Variants in SYMPK observed in about 807,000 individuals in gnomAD.
SYMPK encodes symplekin scaffold protein.
In SYMPK, 49 loss-of-function variants were observed where a neutral mutation model predicts 136.4. The ratio of observed to expected loss-of-function variants is 0.36; its 90% confidence interval spans 0.29 to 0.46. The LOEUF (loss-of-function observed/expected upper bound fraction) is 0.46. SYMPK is among the 20% of genes least tolerant of loss of function. The pLI, the probability that SYMPK is intolerant of heterozygous loss-of-function variation, is 1.00. For synonymous variants in SYMPK, 766 were observed against 713.0 expected, an observed-to-expected ratio of 1.07 and a Z score of -1.19; for missense variants, 1,365 against 1,690.0, an observed-to-expected ratio of 0.81 and a Z score of 3.37.
chr19:45,839,785 T>C (rs575709904), intron 9 of SYMPK, among the ~76,000 whole-genome samples: 7 of 151,242 alleles, frequency 4.6e-5, no homozygotes, highest in South Asian at 2.1e-4. Context: ...TGAGCCAAGA[T>C]TGCACCACTG....
Position 45,827,590 on chromosome 19 carries a change from C to T in SYMPK, c.2101G>A (p.Asp701Asn). 6.2e-7 allele frequency: 1 copy of T among 1,614,122 alleles called. No homozygotes were observed. Among genetic ancestry groups the T allele is most frequent in the South Asian group, 1.1e-5 (1 of 91,082 alleles). Residue 701 changes from aspartate (D) to asparagine (N), a missense_variant, in exon 16 of 27, where the codon GAC becomes AAC. Asp to Asn is a conservative substitution (Grantham distance 23, BLOSUM62 1). Transcript: ENST00000245934. ...CGGGACGGGCGCTTGAAGATCAGGT[C>T]TCGAAGTGTGGACATGCCCAGATAG... ...RTYLGMSTLR[D>N]LIFKRPSRQF...
At chr19:45,851,577 CAA>C (rs202014672) in intron 5 of SYMPK, among the ~76,000 whole-genome samples, 20,615 of 105,746 alleles carry the variant, frequency 0.19, 1,512 homozygotes, top group Admixed American at 0.25. Flanking sequence ...AACTCAGTCT[CAA>C]AAAAAAAAAA....
intron 7 of SYMPK, 29 bp from the exon 8 acceptor site, chr19:45,844,229 T>C: frequency 1.3e-6 from 2 of 1,522,040 alleles, no homozygotes; most frequent in Non-Finnish European, 1.8e-6. Context: ...AACCAGTCAG[T>C]GGGATCCGTT....
At chr19:45,847,520 C>G (rs886360327) in intron 7 of SYMPK, among the ~76,000 whole-genome samples, 2 of 152,032 alleles carry the variant, frequency 1.3e-5, no homozygotes, top group Admixed American at 6.6e-5. Context: ...ACTATGTTAT[C>G]GTCTCCAATT....
At chr19:45,848,057 A>G in intron 6 of SYMPK, 56 bp from the exon 7 acceptor site, 2 of 1,527,014 alleles carry the variant, frequency 1.3e-6, no homozygotes, top group Non-Finnish European at 1.8e-6. Context: ...AAGACAACGC[A>G]TCAATCACCA....
chr19:45,825,270 G>C lies in SYMPK; in HGVS notation c.2391C>G (p.Leu797=), dbSNP rs1479489762. 1 of 1,614,090 alleles carries C rather than the reference G, an allele frequency of 6.2e-7. No individual in the cohort carries two copies. The highest frequency in any genetic ancestry group is 8.5e-7 in the Non-Finnish European group (1 of 1,180,044). The change falls in exon 18 of 27, where the codon CTC becomes CTG. Residue 797 remains leucine (L), a synonymous_variant. Coordinates refer to ENST00000245934, the MANE Select transcript of SYMPK (RefSeq NM_004819.3). ...VKQCLYLYLA[L]LPQNHKLIHE... ...GGATCAGCTTGTGGTTCTGAGGCAG[G>C]AGGGCCAGGTAGAGGTACAGACACT...
intron 1 of SYMPK, among the ~76,000 whole-genome samples, chr19:45,857,928 A>T (rs1971873767): frequency 6.6e-6 from 1 of 151,178 alleles, no homozygotes; most frequent in Non-Finnish European, 1.5e-5. Context: ...TCTCCCAAGT[A>T]GCTGGGATTA....
Position 45,847,924 on chromosome 19 carries a change from G to A in SYMPK, c.504C>T (p.Ile168=). 1.2e-6 allele frequency: 2 copies of A among 1,613,224 alleles called. No homozygotes were observed. Among genetic ancestry groups the A allele is most frequent in the Non-Finnish European group, 1.7e-6 (2 of 1,179,436 alleles). Residue 168 remains isoleucine (I), a synonymous_variant, in exon 7 of 27, where the codon ATC becomes ATT. Coordinates refer to ENST00000245934, the MANE Select transcript of SYMPK (RefSeq NM_004819.3). ...WDMVSAMAGD[I]ILLLDSDNDG... is the part of the protein sequence containing the mutation. ...CATTGTCAGAGTCCAATAGCAGGAT[G>A]ATGTCCCCCGCCATGGCAGATACCA...
chr19:45,838,658 C>T (rs759338457), intron 9 of SYMPK, 43 bp from the exon 10 acceptor site: 4 of 1,583,640 alleles, frequency 2.5e-6, no homozygotes, highest in South Asian at 2.2e-5. Context: ...ATAGAGAGAG[C>T]TGCAGGCCCT....
At chr19:45,857,798 CTTTT>C (rs545837447) in intron 1 of SYMPK, among the ~76,000 whole-genome samples, 3 of 131,596 alleles carry the variant, frequency 2.3e-5, no homozygotes, top group East Asian at 4.7e-4. Flanking sequence ...GCCGAAAATA[CTTTT>C]TTTTTTTTTT....
chr19:45,825,204 G>C lies in SYMPK; in HGVS notation c.2457C>G (p.Ile819Met), dbSNP rs778035067. ...AAVYTEAIAD[I>M]KRTVLRVIEQ... is the part of the protein sequence containing the mutation. ...CAATGACCCTCAGCACCGTCCGCTT[G>C]ATGTCGGCGATGGCTTCAGTGTACA... The change falls in exon 18 of 27, where the codon ATC becomes ATG. Residue 819 changes from isoleucine to methionine, a missense_variant. Physicochemically the swap from Ile to Met is conservative, Grantham distance 10 (BLOSUM62 1). Coordinates refer to ENST00000245934, the MANE Select transcript of SYMPK (RefSeq NM_004819.3). 8.7e-6 allele frequency: 14 copies of C among 1,614,098 alleles called. No homozygotes were observed. The East Asian group carries it at 2.0e-4, about 23-fold the overall frequency.
rs147633193 is a variant in SYMPK, at chr19:45,844,874, T to C, written c.677-674A>G. 1.0e-3 allele frequency among the ~76,000 whole-genome samples: 154 copies of C among 152,192 alleles called. 1 individual carries two copies. Among genetic ancestry groups the C allele is most frequent in the African/African-American group, 3.4e-3 (140 of 41,502 alleles). On this transcript the variant is annotated intron_variant, in intron 7 of 26. Coordinates refer to ENST00000245934, the MANE Select transcript of SYMPK (RefSeq NM_004819.3). ...CTATACAGAAACATAACGAATGCCA[T>C]ATATATGTTTTTAACTTAAAAAATT...
In SYMPK at chr19:45,852,499, G is replaced by A. The variant is rs772772145; in HGVS notation, c.208C>T (p.Leu70=). The A allele has an allele frequency of 1.2e-6, 2 of 1,614,092 alleles. No homozygotes were observed. The highest frequency in any genetic ancestry group is 1.7e-6 in the Non-Finnish European group (2 of 1,180,038). Reference sequence around the variant, plus strand: ...TCACTCACATCCAGGAAGTTGTCCAGTAGTGTGGGGTCTTTGTTGATGATC... The same window carrying A: ...TCACTCACATCCAGGAAGTTGTCCAATAGTGTGGGGTCTTTGTTGATGATC... ...ELIINKDPTL[L]DNFLDEIIAF... Residue 70 remains leucine (L), a synonymous_variant, in exon 4 of 27, where the codon CTG becomes TTG. Transcript: ENST00000245934.
intron 1 of SYMPK, among the ~76,000 whole-genome samples, chr19:45,857,537 G>T: frequency 6.6e-6 from 1 of 151,442 alleles, no homozygotes; most frequent in South Asian, 2.1e-4. Flanking sequence ...TGTCGCCCAG[G>T]CTGGAGTGCA....
intron 10 of SYMPK, among the ~76,000 whole-genome samples, chr19:45,837,808 G>A (rs1056065644): frequency 1.4e-4 from 21 of 151,964 alleles, no homozygotes; most frequent in African/African-American, 5.1e-4. Context: ...GCAAGGATTA[G>A]GGAGAGAAGG....
In SYMPK at chr19:45,826,162, G is replaced by C. The variant is rs867073684; in HGVS notation, c.2329+64C>G. 46 of 1,542,660 alleles carry C rather than the reference G, an allele frequency of 3.0e-5. No homozygotes were observed. In the Middle Eastern group the frequency reaches 5.7e-4, roughly 19 times the overall value. On this transcript the variant is annotated intron_variant, in intron 17 of 26. Coordinates refer to ENST00000245934, the MANE Select transcript of SYMPK (RefSeq NM_004819.3). ...AGTGGCTTCCCCACTCATCCCCTCT[G>C]CTCGCAGGGCCCAGAGCGCGGACAC...
At chr19:45,815,824 C>A in intron 26 of SYMPK, 27 bp downstream of exon 26, 1 of 1,608,478 alleles carries the variant, frequency 6.2e-7, no homozygotes, top group Non-Finnish European at 8.5e-7. Context: ...CGGCTTCTTC[C>A]TTCGCAGCGG....
At chr19:45,852,654 C>T in intron 3 of SYMPK, 119 bp from the exon 4 acceptor site, 2 of 1,196,224 alleles carry the variant, frequency 1.7e-6, no homozygotes, top group East Asian at 2.4e-5. Flanking sequence ...ACACTCATTT[C>T]AATGCCTGGC....
chr19:45,825,159 C>T lies in SYMPK; in HGVS notation c.2490+12G>A. The T allele has an allele frequency of 1.9e-6, 3 of 1,610,074 alleles. No individual in the cohort carries two copies. The highest frequency in any genetic ancestry group is 2.5e-6 in the Non-Finnish European group (3 of 1,178,332). On this transcript the variant is annotated intron_variant, in intron 18 of 26. Coordinates refer to ENST00000245934, the MANE Select transcript of SYMPK (RefSeq NM_004819.3). ...GTGGGTGGGCAGGGCCTGGTGGGCT[C>T]AGGGGCCTCACCGGCTGCTCAATGA...
Sources: allele counts gnomAD v4.1 joint callset (sites outside exome capture counted in the v4.1 genomes callset), GRCh38; gene constraint gnomAD v4.1.1; transcripts MANE v1.5; gene names NCBI Gene and HGNC (gene_info 2026-07-23, HGNC 2026-07-21).